Variants in HCRTR2 observed in about 807,000 individuals in gnomAD.
The protein encoded by HCRTR2 is hypocretin receptor 2.
HCRTR2 carries 22 observed loss-of-function variants against 49.0 expected under a neutral mutation model. The ratio of observed to expected loss-of-function variants is 0.45; its 90% CI spans 0.32 to 0.64. The LOEUF is 0.64. Ranked by LOEUF, HCRTR2 falls within the 30% of genes least tolerant of loss-of-function variation. The probability of loss-of-function intolerance (pLI) is 0.04; values close to 1 mark genes in which losing one functional copy is unlikely to be tolerated. For synonymous variants in HCRTR2, 236 were observed against 205.3 expected, an observed-to-expected ratio of 1.15 and a Z score of -1.28; for missense variants, 491 against 559.4, an observed-to-expected ratio of 0.88 and a Z score of 1.23.
At position 55,137,483 on chromosome 6, in the gene HCRTR2, C is replaced by G. The variant is rs180913133; in HGVS notation, c.-378+30938C>G. Among the ~76,000 whole-genome samples, 66 of 152,180 alleles carry G rather than the reference C, an allele frequency of 4.3e-4. 1 individual carries two copies. Among genetic ancestry groups the G allele is most frequent in the African/African-American group, 1.4e-3 (59 of 41,512 alleles). On this transcript the variant is annotated intron_variant, in intron 1 of 7. Transcript: ENST00000615358. ...AATTAATTAAATTTTTTCCTGAGAG[C>G]AAGACATTACAAATTCCAAGATCTA...
chr6:55,145,057 C>CCT (rs1167477313), intron 1 of HCRTR2, among the ~76,000 whole-genome samples: 2 of 152,104 alleles, frequency 1.3e-5, no homozygotes, highest in African/African-American at 4.8e-5. Flanking sequence ...CTTTTACCGC[C>CCT]CTTCCCAGTC....
downstream of HCRTR2, among the ~76,000 whole-genome samples, chr6:55,283,707 A>T (rs1025714670): frequency 3.3e-5 from 5 of 152,192 alleles, no homozygotes; most frequent in Non-Finnish European, 7.4e-5. Flanking sequence ...TTCATCTCCT[A>T]TTATGGTAAC....
chr6:55,248,377 T>A (rs946646834), intron 1 of HCRTR2, among the ~76,000 whole-genome samples: 5 of 152,122 alleles, frequency 3.3e-5, no homozygotes, highest in Admixed American at 6.6e-5. Context: ...TTAAAACATC[T>A]GGCATTTGCA....
At chr6:55,159,129 G>A (rs1397217174) in intron 1 of HCRTR2, among the ~76,000 whole-genome samples, 3 of 152,176 alleles carry the variant, frequency 2.0e-5, no homozygotes, top group African/African-American at 4.8e-5. Flanking sequence ...AATCTTTGCA[G>A]TACTGTAGCC....
At chr6:55,263,312 A>G (rs548511257) in intron 3 of HCRTR2, among the ~76,000 whole-genome samples, 35 of 152,208 alleles carry the variant, frequency 2.3e-4, no homozygotes, top group East Asian at 9.7e-4. Context: ...ATTAGTTTTT[A>G]GGTTTTCATT....
At chr6:55,196,120 G>T (rs1477807006) in intron 1 of HCRTR2, among the ~76,000 whole-genome samples, 1 of 152,070 alleles carries the variant, frequency 6.6e-6, no homozygotes, top group Non-Finnish European at 1.5e-5. Context: ...GATCATTGTT[G>T]TTTCTGTCTT....
chr6:55,223,303 G>T (rs886246168), intron 1 of HCRTR2, among the ~76,000 whole-genome samples: 2 of 152,078 alleles, frequency 1.3e-5, no homozygotes, highest in Non-Finnish European at 2.9e-5. Flanking sequence ...AAGCCATCTG[G>T]TTACTTTAGT....
At chr6:55,180,207 G>A (rs1391910397) in intron 1 of HCRTR2, among the ~76,000 whole-genome samples, 2 of 152,224 alleles carry the variant, frequency 1.3e-5, no homozygotes, top group Non-Finnish European at 1.5e-5. Flanking sequence ...AATTCAAAGA[G>A]CAATGCTAAC....
At chr6:55,123,969 A>G (rs952628179) in intron 1 of HCRTR2, among the ~76,000 whole-genome samples, 12 of 152,108 alleles carry the variant, frequency 7.9e-5, no homozygotes, top group African/African-American at 2.9e-4. Context: ...ATCAGTAGTT[A>G]TATCTCCTAT....
chr6:55,221,680 G>A (rs902544662), intron 1 of HCRTR2, among the ~76,000 whole-genome samples: 3 of 152,066 alleles, frequency 2.0e-5, no homozygotes, highest in African/African-American at 7.2e-5. Context: ...GGGCGTGGTG[G>A]TGGGCGCCTG....
At chr6:55,193,990 T>C (rs75279619) in intron 1 of HCRTR2, among the ~76,000 whole-genome samples, 3 of 152,146 alleles carry the variant, frequency 2.0e-5, no homozygotes, top group African/African-American at 7.2e-5. Flanking sequence ...GATTTTTTTT[T>C]CTCTAACAGA....
At chr6:55,192,144 G>A (rs1765326383) in intron 1 of HCRTR2, among the ~76,000 whole-genome samples, 1 of 151,960 alleles carries the variant, frequency 6.6e-6, no homozygotes, top group Admixed American at 6.6e-5. Context: ...AAATATCAGA[G>A]GCATCAGTAA....
upstream of HCRTR2, among the ~76,000 whole-genome samples, chr6:55,172,825 G>A (rs761634576): frequency 6.6e-5 from 10 of 152,122 alleles, no homozygotes; most frequent in Non-Finnish European, 1.2e-4. Flanking sequence ...TATGATTGGA[G>A]GAGGGGGTGG....
chr6:55,106,735 C>T (rs967144422), intron 1 of HCRTR2, among the ~76,000 whole-genome samples: 5 of 152,028 alleles, frequency 3.3e-5, no homozygotes, highest in Non-Finnish European at 5.9e-5. Flanking sequence ...CTACAGATTC[C>T]GTTTTCTCAG....
intron 1 of HCRTR2, among the ~76,000 whole-genome samples, chr6:55,190,245 T>G (rs773270706): frequency 1.3e-5 from 2 of 152,200 alleles, no homozygotes; most frequent in African/African-American, 2.4e-5. Flanking sequence ...TGTAGGGAAC[T>G]TATACTCTAG....
intron 1 of HCRTR2, among the ~76,000 whole-genome samples, chr6:55,215,014 C>G (rs1251033966): frequency 6.6e-6 from 1 of 152,052 alleles, no homozygotes; most frequent in African/African-American, 2.4e-5. Flanking sequence ...CATAAAGCAT[C>G]ATTGACAAAA....
At chr6:55,117,800 A>AAAG (rs1297870306) in intron 1 of HCRTR2, among the ~76,000 whole-genome samples, 3 of 150,640 alleles carry the variant, frequency 2.0e-5, no homozygotes, top group Non-Finnish European at 4.4e-5. Context: ...AAAAAAAAAA[A>AAAG]AAAAGGGAAC....
At chr6:55,220,798 T>C (rs1178885810) in intron 1 of HCRTR2, among the ~76,000 whole-genome samples, 1 of 152,150 alleles carries the variant, frequency 6.6e-6, no homozygotes, top group Non-Finnish European at 1.5e-5. Context: ...TAATCTTATA[T>C]GTAGAAAATT....
chr6:55,179,407 A>T (rs754850499), intron 1 of HCRTR2, among the ~76,000 whole-genome samples: 2 of 152,218 alleles, frequency 1.3e-5, no homozygotes, highest in Non-Finnish European at 2.9e-5. Flanking sequence ...AAATGCAAAC[A>T]TGCTAATCTG....
Sources: allele counts gnomAD v4.1 joint callset (sites outside exome capture counted in the v4.1 genomes callset), GRCh38; gene constraint gnomAD v4.1.1; transcripts MANE v1.5; gene names NCBI Gene and HGNC (gene_info 2026-07-23, HGNC 2026-07-21).